Variants in HCN1 observed in about 807,000 individuals in gnomAD.
HCN1 encodes hyperpolarization activated cyclic nucleotide gated potassium channel 1.
In HCN1, 13 loss-of-function variants were observed where a neutral mutation model predicts 78.9. The ratio of observed to expected loss-of-function variants is 0.16; its 90% CI spans 0.11 to 0.26. The LOEUF (loss-of-function observed/expected upper bound fraction) is 0.26, where lower values mean the gene tolerates loss of function less well. HCN1 is among the 10% of genes least tolerant of loss of function. The pLI, the probability that HCN1 is intolerant of heterozygous loss-of-function variation, is 1.00. For missense variants in HCN1, 810 were observed against 1,154.3 expected (o/e 0.70, Z 4.32); for synonymous variants, 552 against 455.5 (o/e 1.21, Z -2.70).
At chr5:45,427,506 C>T (rs1156592179) in intron 3 of HCN1, among the ~76,000 whole-genome samples, 5 of 152,080 alleles carry the variant, frequency 3.3e-5, no homozygotes, top group Admixed American at 3.3e-4. Flanking sequence ...AAAATCTGTT[C>T]AATCTCTCTT....
intron 1 of HCN1, among the ~76,000 whole-genome samples, chr5:45,686,691 A>G (rs978274086): frequency 4.6e-5 from 7 of 152,224 alleles, no homozygotes; most frequent in Non-Finnish European, 5.9e-5. Flanking sequence ...ACAAAATATG[A>G]AAGTCATCAA....
intron 4 of HCN1, among the ~76,000 whole-genome samples, chr5:45,361,262 A>T (rs1747101056): frequency 6.6e-6 from 1 of 151,852 alleles, no homozygotes; most frequent in Non-Finnish European, 1.5e-5. Context: ...GGTCACTGCA[A>T]CCTCGGCCTC....
intron 2 of HCN1, among the ~76,000 whole-genome samples, chr5:45,526,676 C>G (rs1274983100): frequency 6.6e-6 from 1 of 152,062 alleles, no homozygotes; most frequent in East Asian, 1.9e-4. Context: ...TGCAGATACA[C>G]AGTGCAACTA....
intron 5 of HCN1, among the ~76,000 whole-genome samples, chr5:45,348,055 C>A (rs932146423): frequency 1.3e-5 from 2 of 152,068 alleles, no homozygotes; most frequent in African/African-American, 4.8e-5. Flanking sequence ...CTCCAAGACA[C>A]ATAATTGTCA....
chr5:45,654,775 G>T (rs961714819), intron 1 of HCN1, among the ~76,000 whole-genome samples: 2 of 152,208 alleles, frequency 1.3e-5, no homozygotes, highest in South Asian at 2.1e-4. Flanking sequence ...GTGAAATTAT[G>T]AAAAGAAAAT....
chr5:45,561,476 AG>A (rs1743601511), intron 2 of HCN1, among the ~76,000 whole-genome samples: 1 of 152,126 alleles, frequency 6.6e-6, no homozygotes, highest in Non-Finnish European at 1.5e-5. Flanking sequence ...TTTGTAAATC[AG>A]ACTTTTAGTG....
intron 2 of HCN1, among the ~76,000 whole-genome samples, chr5:45,521,110 C>T (rs901193966): frequency 6.6e-6 from 1 of 151,022 alleles, no homozygotes; most frequent in African/African-American, 2.4e-5. Context: ...AACACTTGGA[C>T]CTGAAGAGAC....
intron 2 of HCN1, among the ~76,000 whole-genome samples, chr5:45,497,603 C>T (rs533468326): frequency 2.9e-4 from 44 of 152,178 alleles, no homozygotes; most frequent in African/African-American, 6.0e-4. Context: ...TGTCTCTGCA[C>T]GTGAGATGGG....
In HCN1 at chr5:45,347,248, G is replaced by A. The variant is rs1003698920; in HGVS notation, c.1377+5852C>T. Among the ~76,000 whole-genome samples the A allele has an allele frequency of 8.2e-4, 125 of 152,168 alleles. 4 individuals carry two copies. The highest frequency in any genetic ancestry group is 2.4e-4 in the Non-Finnish European group (16 of 68,036). On this transcript the variant is annotated intron_variant, in intron 5 of 7. Transcript: ENST00000303230. ...CTGCAGCCACCGCTGCTGATACCCAGGCAAACAAGGTCTGGAATGGACCTC... is the reference window on the plus strand; with the variant it reads ...CTGCAGCCACCGCTGCTGATACCCAAGCAAACAAGGTCTGGAATGGACCTC...
At chr5:45,314,571 T>C (rs995090196) in intron 5 of HCN1, among the ~76,000 whole-genome samples, 2 of 152,044 alleles carry the variant, frequency 1.3e-5, no homozygotes, top group East Asian at 3.9e-4. Flanking sequence ...GACTGGCAAA[T>C]TGGATAAAAA....
At position 45,320,897 on chromosome 5, in the gene HCN1, T is replaced by A. The variant is rs529469805; in HGVS notation, c.1378-17058A>T. 3.9e-5 allele frequency among the ~76,000 whole-genome samples: 6 copies of A among 151,950 alleles called. No individual in the cohort carries two copies. In the South Asian group the frequency reaches 1.0e-3, roughly 26 times the overall value. On this transcript the variant is annotated intron_variant, in intron 5 of 7. Transcript: ENST00000303230. Reference sequence around the variant, plus strand: ...CACAGTTTTTAAAACACCGTCTGTATTTAACATCTCTACTTTCTACAATTA... The same window carrying A: ...CACAGTTTTTAAAACACCGTCTGTAATTAACATCTCTACTTTCTACAATTA...
intron 3 of HCN1, among the ~76,000 whole-genome samples, chr5:45,437,083 G>A (rs1033100584): frequency 4.6e-5 from 7 of 152,180 alleles, no homozygotes; most frequent in East Asian, 3.9e-4. Flanking sequence ...TATCAGATTC[G>A]TTTCAAAAGA....
intron 5 of HCN1, among the ~76,000 whole-genome samples, chr5:45,334,351 T>C (rs1489607378): frequency 6.6e-6 from 1 of 151,828 alleles, no homozygotes; most frequent in Non-Finnish European, 1.5e-5. Flanking sequence ...ATTCCACATG[T>C]GCTTCCAAAT....
At chr5:45,645,023 G>T in intron 2 of HCN1, 162 bp downstream of exon 2, 6 of 573,068 alleles carry the variant, frequency 1.0e-5, no homozygotes, top group South Asian at 2.4e-5. Flanking sequence ...ATATATTTTA[G>T]GGATACAAAT....
rs1031913850 is a variant in HCN1, at chr5:45,695,958, C to A, written c.136G>T (p.Gly46Cys). Residue 46 changes from glycine (G) to cysteine (C), a missense_variant, in exon 1 of 8, where the codon GGC (glycine) becomes TGC (cysteine). Around this residue, in one of 6 missense-constraint regions of HCN1, gnomAD observed 170 missense variants for 166.8 expected, o/e 1.02. Transcript: ENST00000303230. ...EKRLGTPPGG[G>C]GAGAKEHGNS... ...CCGTGCTCCTTCGCGCCGGCCCCGC[C>A]GCCCCCCGGCGGGGTGCCCAGGCGC... 3.0e-5 allele frequency: 40 copies of A among 1,329,804 alleles called. No homozygotes were observed. Among genetic ancestry groups the A allele is most frequent in the Non-Finnish European group, 3.6e-5 (38 of 1,048,716 alleles). The allele number at this position is 1,329,804 out of a possible 1,614,324, so 82.4% of individuals were successfully genotyped here.
At chr5:45,583,293 A>G (rs1255507319) in intron 2 of HCN1, among the ~76,000 whole-genome samples, 3 of 151,932 alleles carry the variant, frequency 2.0e-5, no homozygotes, top group East Asian at 1.9e-4. Flanking sequence ...TTTCTTCTAG[A>G]TTTTCTAGTT....
intron 4 of HCN1, among the ~76,000 whole-genome samples, chr5:45,391,751 G>A (rs1378354995): frequency 6.6e-6 from 1 of 152,092 alleles, no homozygotes; most frequent in Non-Finnish European, 1.5e-5. Context: ...TTCTAGAAGA[G>A]AAAGCAGATT....
Position 45,685,359 on chromosome 5 carries a change from G to A in HCN1, c.425+10310C>T, listed in dbSNP as rs535697563. ...AAAGCTATTTCCAAATGTTCAATAC[G>A]GTAGCATTCTATACCAACTAAAGAG... On this transcript the variant is annotated intron_variant, in intron 1 of 7. Coordinates refer to ENST00000303230, the MANE Select transcript of HCN1 (RefSeq NM_021072.4). 2.0e-4 allele frequency among the ~76,000 whole-genome samples: 30 copies of A among 152,072 alleles called. 1 individual carries two copies. The highest frequency in any genetic ancestry group is 7.7e-4 in the East Asian group (4 of 5,186).
chr5:45,681,845 A>C (rs1474951868), intron 1 of HCN1, among the ~76,000 whole-genome samples: 4 of 152,172 alleles, frequency 2.6e-5, no homozygotes, highest in Non-Finnish European at 5.9e-5. Context: ...TTCTAAAGGC[A>C]ATGACATTTA....
Sources: allele counts gnomAD v4.1 joint callset (sites outside exome capture counted in the v4.1 genomes callset), GRCh38; gene constraint gnomAD v4.1.1; regional missense constraint gnomAD v4.1.1; transcripts MANE v1.5; gene names NCBI Gene and HGNC (gene_info 2026-07-23, HGNC 2026-07-21).